The following AGPS variants were observed in gnomAD, a reference collection of about 807,000 sequenced individuals.
The protein encoded by AGPS is alkyldihydroxyacetonephosphate synthase, peroxisomal.
A neutral mutation model predicts 90.7 loss-of-function variants in AGPS; 26 were observed. The observed-to-expected ratio is 0.29, with a 90% confidence interval of 0.21 to 0.40. AGPS has a LOEUF of 0.40. Ranked by LOEUF, AGPS falls within the 10% of genes least tolerant of loss-of-function variation. AGPS has a pLI of 1.00. For missense variants in AGPS, 540 were observed against 816.1 expected (o/e 0.66, Z 4.12); for synonymous variants, 294 against 285.3 (o/e 1.03, Z -0.31).
chr2:177,486,916 T>C (rs892225796), intron 11 of AGPS, among the ~76,000 whole-genome samples: 13 of 151,734 alleles, frequency 8.6e-5, no homozygotes, highest in African/African-American at 2.9e-4. Flanking sequence ...ATGTGATTCT[T>C]TCTCATAAGT....
chr2:177,489,642 TGTATTA>T (rs1465390820), intron 11 of AGPS, among the ~76,000 whole-genome samples: 1 of 152,216 alleles, frequency 6.6e-6, no homozygotes, highest in Non-Finnish European at 1.5e-5. Flanking sequence ...CTGATATTTC[TGTATTA>T]GTCCATATCA....
At chr2:177,408,168 T>C (rs1685516978) in intron 1 of AGPS, among the ~76,000 whole-genome samples, 1 of 152,192 alleles carries the variant, frequency 6.6e-6, no homozygotes, top group Non-Finnish European at 1.5e-5. Context: ...CAGTTTCTCG[T>C]ACTGTGTTTT....
intron 5 of AGPS, among the ~76,000 whole-genome samples, chr2:177,438,830 A>G (rs553885688): frequency 9.9e-5 from 15 of 152,190 alleles, no homozygotes; most frequent in Non-Finnish European, 1.6e-4. Flanking sequence ...CAAGTTATTA[A>G]GTCACTGAGG....
chr2:177,523,215 A>G (rs1308320086), intron 18 of AGPS, among the ~76,000 whole-genome samples: 5 of 152,230 alleles, frequency 3.3e-5, no homozygotes, highest in African/African-American at 1.2e-4. Flanking sequence ...TATAACTCTG[A>G]TGCCCACTAT....
At chr2:177,466,616 A>G (rs1687455636) in intron 9 of AGPS, among the ~76,000 whole-genome samples, 1 of 152,176 alleles carries the variant, frequency 6.6e-6, no homozygotes, top group African/African-American at 2.4e-5. Context: ...TTCTGTGCTC[A>G]TTGGTGCCCA....
At chr2:177,510,409 A>G (rs1231967613) in intron 16 of AGPS, among the ~76,000 whole-genome samples, 1 of 152,282 alleles carries the variant, frequency 6.6e-6, no homozygotes, top group African/African-American at 2.4e-5. Context: ...GGGGCTTAGG[A>G]TTTCAATATA....
At chr2:177,484,579 C>G (rs932334804) in intron 11 of AGPS, among the ~76,000 whole-genome samples, 4 of 152,016 alleles carry the variant, frequency 2.6e-5, no homozygotes, top group African/African-American at 4.8e-5. Flanking sequence ...CTCCTGACCT[C>G]AGGTGATCCG....
At chr2:177,523,607 G>T in intron 18 of AGPS, 141 bp from the exon 19 acceptor site, 1 of 719,566 alleles carries the variant, frequency 1.4e-6, no homozygotes, top group South Asian at 1.6e-5. Flanking sequence ...AAACACATTT[G>T]ACCAAAAGAG....
At chr2:177,428,599 A>G (rs1352289094) in intron 2 of AGPS, among the ~76,000 whole-genome samples, 1 of 152,202 alleles carries the variant, frequency 6.6e-6, no homozygotes, top group Non-Finnish European at 1.5e-5. Context: ...TGGATATGAA[A>G]TTCTAGGTTG....
Position 177,405,966 on chromosome 2 carries a change from A to G in AGPS, c.260+12917A>G, listed in dbSNP as rs369010022. Among the ~76,000 whole-genome samples the G allele has an allele frequency of 4.2e-4, 64 of 152,242 alleles. No individual in the cohort carries two copies. In the South Asian group the frequency reaches 0.013, roughly 30 times the overall value. ...CATTCATGTGTAAGGTCATTATTTT[A>G]GTCTCCAATCTCAGTCCTCCACTGT... On this transcript the variant is annotated intron_variant, in intron 1 of 19. Coordinates refer to ENST00000264167, the MANE Select transcript of AGPS (RefSeq NM_003659.4).
chr2:177,445,908 T>C (rs1340475499), intron 8 of AGPS, among the ~76,000 whole-genome samples: 2 of 152,114 alleles, frequency 1.3e-5, no homozygotes, highest in Non-Finnish European at 2.9e-5. Context: ...GGAGTGAAAA[T>C]TGCTATGTGG....
chr2:177,543,492 T>G lies in AGPS; in HGVS notation c.*5297T>G, dbSNP rs2079258132. The G allele has an allele frequency of 6.6e-6, 1 of 152,254 alleles. No individual in the cohort carries two copies. The highest frequency in any genetic ancestry group is 1.5e-5 in the Non-Finnish European group (1 of 68,034). The allele number at this position is 152,254 out of a possible 1,614,324, so 9.4% of individuals were successfully genotyped here. On this transcript the variant is annotated 3_prime_UTR_variant, in exon 20 of 20. Coordinates refer to ENST00000264167, the MANE Select transcript of AGPS (RefSeq NM_003659.4). Reference sequence around the variant, plus strand: ...AGGCAGTACATATTCCTGCCAGGACTGTAGTAATCCTTTGGGAACTACATG... The same window carrying G: ...AGGCAGTACATATTCCTGCCAGGACGGTAGTAATCCTTTGGGAACTACATG...
intron 9 of AGPS, among the ~76,000 whole-genome samples, chr2:177,464,016 A>G (rs1373790130): frequency 1.3e-5 from 2 of 152,126 alleles, no homozygotes; most frequent in Non-Finnish European, 2.9e-5. Context: ...ATCTCAGCTC[A>G]CTGCAACCTC....
chr2:177,537,869 T>TGTGGA (rs2079197933), intron 19 of AGPS, among the ~76,000 whole-genome samples: 2 of 152,122 alleles, frequency 1.3e-5, no homozygotes, highest in East Asian at 3.8e-4. Context: ...AAGGAGACAC[T>TGTGGA]GTGGAGCACA....
intron 1 of AGPS, among the ~76,000 whole-genome samples, chr2:177,412,635 C>T (rs779376759): frequency 6.6e-6 from 1 of 152,138 alleles, no homozygotes; most frequent in Non-Finnish European, 1.5e-5. Context: ...AGAGTCCCTT[C>T]GTGGTTGCCA....
chr2:177,393,746 ATC>A (rs1413254167), intron 1 of AGPS, among the ~76,000 whole-genome samples: 4 of 149,388 alleles, frequency 2.7e-5, no homozygotes, highest in African/African-American at 1.0e-4. Context: ...TTTTGGAGAA[ATC>A]TTTTTTTTTT....
chr2:177,434,999 A>ATATATATATATATT, intron 3 of AGPS, among the ~76,000 whole-genome samples: 1 of 48,492 alleles, frequency 2.1e-5, no homozygotes, highest in African/African-American at 6.7e-5. Flanking sequence ...AACTGTAGGT[A>ATATATATATATATT]TATATATATA....
chr2:177,499,587 T>C (rs778762220), intron 13 of AGPS, 31 bp from the exon 14 acceptor site: 3 of 1,356,272 alleles, frequency 2.2e-6, no homozygotes, highest in East Asian at 2.4e-5. Flanking sequence ...ATAAGACTTA[T>C]CTGTAATAAT....
chr2:177,443,240 T>A (rs1257970546), intron 7 of AGPS, among the ~76,000 whole-genome samples: 1 of 152,182 alleles, frequency 6.6e-6, no homozygotes, highest in Admixed American at 6.5e-5. Context: ...TACATTAAAT[T>A]TTTGATAAAA....
Sources: allele counts gnomAD v4.1 joint callset (sites outside exome capture counted in the v4.1 genomes callset), GRCh38; gene constraint gnomAD v4.1.1; transcripts MANE v1.5; gene names NCBI Gene and HGNC (gene_info 2026-07-23, HGNC 2026-07-21).